PCMT1: variants seen among roughly 807,000 people sequenced by gnomAD.
PCMT1 encodes the protein protein-L-isoaspartate(D-aspartate) O-methyltransferase.
A neutral mutation model predicts 29.2 loss-of-function variants in PCMT1; 9 were observed. The ratio of observed to expected loss-of-function variants is 0.31; its 90% CI spans 0.19 to 0.54. The LOEUF is 0.54. Among genes scored for constraint, PCMT1 ranks in the 20% least tolerant of loss-of-function variants. PCMT1 has a pLI of 0.95. For missense variants in PCMT1, 184 were observed against 282.2 expected (o/e 0.65, Z 2.49); for synonymous variants, 98 against 97.5 (o/e 1.00, Z -0.03).
At chr6:149,799,538 T>C (rs2115333491) in intron 6 of PCMT1, among the ~76,000 whole-genome samples, 1 of 152,368 alleles carries the variant, frequency 6.6e-6, no homozygotes, top group South Asian at 2.1e-4. Context: ...ATACATTCCA[T>C]GCACTATTTC....
At chr6:149,750,250 T>C (rs960944115) in intron 1 of PCMT1, 3 of 424,478 alleles carry the variant, frequency 7.1e-6, no homozygotes, top group African/African-American at 6.1e-5. Context: ...GTACAGGTGA[T>C]GCTGCTGTCA....
In PCMT1 at chr6:149,802,292, A is replaced by G. The variant is rs776803634; in HGVS notation, c.597A>G (p.Gln199=). The change falls in exon 7 of 8, where the codon CAA becomes CAG. Residue 199 remains glutamine (Q), a synonymous_variant. Transcript: ENST00000464889. ...TGTTGGAGCAGTATGACAAGCTACA[A>G]GATGGCAGCATCAAAATGAAGCCTC... The part of the protein sequence containing the change: ...NQMLEQYDKL[Q]DGSIKMKPLM... 5.6e-6 allele frequency: 9 copies of G among 1,613,820 alleles called. No homozygotes were observed. Among genetic ancestry groups the G allele is most frequent in the Middle Eastern group, 1.6e-4 (1 of 6,080 alleles).
At chr6:149,777,557 G>C (rs146588338) in intron 3 of PCMT1, among the ~76,000 whole-genome samples, 87 of 152,190 alleles carry the variant, frequency 5.7e-4, no homozygotes, top group African/African-American at 2.1e-3. Context: ...AAATAAGAAT[G>C]AAACAGTATA....
At chr6:149,772,395 C>T (rs1286100341) in intron 2 of PCMT1, 1 of 318,450 alleles carries the variant, frequency 3.1e-6, no homozygotes, top group African/African-American at 2.2e-5. Flanking sequence ...TTCAGTTATT[C>T]TAGTTTTTTT....
chr6:149,769,558 C>T (rs758628827), intron 1 of PCMT1, among the ~76,000 whole-genome samples: 12 of 151,608 alleles, frequency 7.9e-5, no homozygotes, highest in Admixed American at 4.0e-4. Context: ...AAGTAATTTG[C>T]CCGCCTGGGC....
chr6:149,773,054 A>G (rs1787401315), intron 2 of PCMT1, 84 bp from the exon 3 acceptor site: 2 of 1,042,674 alleles, frequency 1.9e-6, no homozygotes, highest in East Asian at 4.8e-5. Context: ...GTGAAAAATA[A>G]CGTATGGATG....
At chr6:149,803,616 G>A (rs1185751378) in intron 7 of PCMT1, among the ~76,000 whole-genome samples, 6 of 151,904 alleles carry the variant, frequency 3.9e-5, no homozygotes, top group African/African-American at 7.2e-5. Flanking sequence ...AAACAAGAAC[G>A]GCTTTACAGT....
At chr6:149,788,822 G>C (rs1486459437) in intron 3 of PCMT1, among the ~76,000 whole-genome samples, 2 of 152,076 alleles carry the variant, frequency 1.3e-5, no homozygotes, top group African/African-American at 4.8e-5. Context: ...ACTAGTTTTA[G>C]CTTCCATTTA....
intron 3 of PCMT1, among the ~76,000 whole-genome samples, chr6:149,785,822 C>G (rs1339207673): frequency 6.6e-6 from 1 of 152,210 alleles, no homozygotes; most frequent in African/African-American, 2.4e-5. Flanking sequence ...TACACAGACA[C>G]GGCAACCATC....
upstream of PCMT1, chr6:149,749,733 G>A (rs1786215131): frequency 6.5e-7 from 1 of 1,544,542 alleles, no homozygotes; most frequent in Non-Finnish European, 8.7e-7. Context: ...GGGGGATGCC[G>A]GGAGCGCGCA....
At chr6:149,761,705 T>G (rs1334265957) in intron 1 of PCMT1, among the ~76,000 whole-genome samples, 1 of 152,214 alleles carries the variant, frequency 6.6e-6, no homozygotes, top group Non-Finnish European at 1.5e-5. Flanking sequence ...AAACTGACAC[T>G]ACCTCTTAAC....
Position 149,791,876 on chromosome 6 carries a change from G to A in PCMT1, c.298-1673G>A, listed in dbSNP as rs775810009. 2.0e-5 allele frequency among the ~76,000 whole-genome samples: 3 copies of A among 152,106 alleles called. No individual in the cohort carries two copies. The East Asian group carries it at 5.8e-4, about 29-fold the overall frequency. On this transcript the variant is annotated intron_variant, in intron 4 of 7. Coordinates refer to ENST00000464889, the MANE Select transcript of PCMT1 (RefSeq NM_001360452.2). ...TTTCTGAGTTGTTTTTCATAAAATG[G>A]CATTAATGTTTTTCACACATTTACC...
chr6:149,769,769 AATT>A (rs1787235237), intron 1 of PCMT1, among the ~76,000 whole-genome samples: 1 of 129,128 alleles, frequency 7.7e-6, no homozygotes, highest in African/African-American at 3.4e-5. Context: ...CAGCTAATTA[AATT>A]TTTTTTTTTT....
chr6:149,757,976 C>T (rs760162984), intron 1 of PCMT1, among the ~76,000 whole-genome samples: 19 of 152,020 alleles, frequency 1.2e-4, no homozygotes, highest in Admixed American at 1.3e-4. Flanking sequence ...TCTGCCTCTC[C>T]GGTTTAAGTG....
intron 7 of PCMT1, among the ~76,000 whole-genome samples, chr6:149,808,336 T>C (rs969179383): frequency 6.6e-6 from 1 of 152,114 alleles, no homozygotes; most frequent in African/African-American, 2.4e-5. Context: ...GTAAGTCAGA[T>C]AAAGAAATGG....
chr6:149,777,825 CTTCTTTCTTTTT>C lies in PCMT1; in HGVS notation c.192+4657_192+4668del, dbSNP rs1465759914. ...TTTCTTTGTCCTTTCTCTTTCTTTTCTTCTTTCTTTTTCTCCTTCCTTCCTTCCTTCCTTCTT... is the reference window on the plus strand; with the variant it reads ...TTTCTTTGTCCTTTCTCTTTCTTTTCCTCCTTCCTTCCTTCCTTCCTTCTT... On this transcript the variant is annotated intron_variant, in intron 3 of 7. Coordinates refer to ENST00000464889, the MANE Select transcript of PCMT1 (RefSeq NM_001360452.2). Among the ~76,000 whole-genome samples the C allele has an allele frequency of 2.8e-5, 4 of 140,926 alleles. No individual in the cohort carries two copies. In the East Asian group the frequency reaches 8.8e-4, roughly 31 times the overall value. The allele number at this position is 140,926 out of a possible 152,430, so 92.5% of individuals were successfully genotyped here.
chr6:149,763,006 ATATC>A lies in PCMT1; in HGVS notation c.56-8152_56-8149del, dbSNP rs1304524703. Among the ~76,000 whole-genome samples the A allele has an allele frequency of 3.1e-5, 2 of 64,436 alleles. 1 individual carries two copies. Among genetic ancestry groups the A allele is most frequent in the African/African-American group, 2.9e-4 (2 of 6,830 alleles). The allele number at this position is 64,436 out of a possible 152,430, so 42.3% of individuals were successfully genotyped here. A position where few individuals can be genotyped will look rare whatever the true frequency, so the allele number is the denominator to read the frequency against. ...TATATCTATGATATATATGATATAT[ATATC>A]TATGATATATATGATATATCTATGA... is the stretch of plus-strand genomic sequence containing the variant. On this transcript the variant is annotated intron_variant, in intron 1 of 7. Transcript: ENST00000464889.
intron 4 of PCMT1, among the ~76,000 whole-genome samples, chr6:149,792,510 G>T (rs2115316505): frequency 1.3e-5 from 2 of 152,096 alleles, no homozygotes; most frequent in Admixed American, 1.3e-4. Context: ...TTTTGTTGTT[G>T]TTGCTTTTTG....
At chr6:149,780,348 A>G (rs547826136) in intron 3 of PCMT1, among the ~76,000 whole-genome samples, 3 of 152,050 alleles carry the variant, frequency 2.0e-5, no homozygotes, top group Non-Finnish European at 4.4e-5. Flanking sequence ...CTCAGAAAAA[A>G]AAAAAAAAGG....
Sources: gnomAD v4.1 joint callset for allele counts (sites outside exome capture counted in the v4.1 genomes callset) on GRCh38, gnomAD v4.1.1 for gene constraint, MANE v1.5 for transcripts, NCBI Gene and HGNC (gene_info 2026-07-23, HGNC 2026-07-21) for gene names.